EIF2AK4: variants seen among roughly 807,000 people sequenced by gnomAD.
The protein encoded by EIF2AK4 is eukaryotic translation initiation factor 2 alpha kinase 4.
In EIF2AK4, 139 loss-of-function variants were observed where a neutral mutation model predicts 211.1. That is an observed-to-expected ratio of 0.66 (90% CI 0.57 to 0.76). The LOEUF is 0.76. EIF2AK4 is among the 30% of genes least tolerant of loss of function. The pLI is 0.00. For synonymous variants in EIF2AK4, 710 were observed against 751.3 expected (o/e 0.94, Z 0.90); for missense variants, 1,664 against 2,043.8 (o/e 0.81, Z 3.58).
At chr15:40,003,164 G>A (rs199774603) in intron 22 of EIF2AK4, 29 bp from the exon 23 acceptor site, 1 of 1,611,810 alleles carries the variant, frequency 6.2e-7, no homozygotes. Flanking sequence ...TGAACCTGAT[G>A]ATGAGCTATT....
chr15:39,955,540 A>G, intron 5 of EIF2AK4, 80 bp from the exon 6 acceptor site: 1 of 1,419,790 alleles, frequency 7.0e-7, no homozygotes, highest in Non-Finnish European at 9.5e-7. Context: ...TGCATTCTAT[A>G]CTGAATTAAT....
At chr15:40,021,173 C>A in intron 31 of EIF2AK4, 146 bp downstream of exon 31, 1 of 904,280 alleles carries the variant, frequency 1.1e-6, no homozygotes, top group Non-Finnish European at 1.6e-6. Context: ...GCTGCAGTAA[C>A]CAATTACCAC....
intron 20 of EIF2AK4, among the ~76,000 whole-genome samples, chr15:40,000,633 GC>G (rs1566999987): frequency 6.6e-6 from 1 of 152,114 alleles, no homozygotes; most frequent in Non-Finnish European, 1.5e-5. Context: ...CTAAAATTAG[GC>G]ATGTAAAGCT....
intron 13 of EIF2AK4, among the ~76,000 whole-genome samples, chr15:39,982,778 T>C (rs2034810714): frequency 6.6e-6 from 1 of 151,618 alleles, no homozygotes; most frequent in South Asian, 2.1e-4. Flanking sequence ...CAACTCCCAC[T>C]TACAAGTGAA....
At chr15:39,972,250 T>A (rs1014114635) in intron 9 of EIF2AK4, among the ~76,000 whole-genome samples, 1 of 150,620 alleles carries the variant, frequency 6.6e-6, no homozygotes, top group African/African-American at 2.4e-5. Flanking sequence ...TCCCAGCTAC[T>A]GAGATGGGAG....
intron 7 of EIF2AK4, among the ~76,000 whole-genome samples, chr15:39,964,953 G>C (rs562833659): frequency 6.6e-5 from 10 of 151,996 alleles, no homozygotes; most frequent in East Asian, 1.9e-4. Context: ...CTGTTTTACT[G>C]TGCACACTAA....
intron 18 of EIF2AK4, among the ~76,000 whole-genome samples, chr15:39,995,745 G>T (rs1424374583): frequency 6.6e-6 from 1 of 151,088 alleles, no homozygotes; most frequent in East Asian, 1.9e-4. Context: ...GATGAAACTT[G>T]TCTATATTTA....
chr15:39,986,734 A>AG (rs2034871292), intron 14 of EIF2AK4, among the ~76,000 whole-genome samples: 1 of 152,214 alleles, frequency 6.6e-6, no homozygotes, highest in African/African-American at 2.4e-5. Context: ...GTGCTCCTGT[A>AG]ATCCCAGCTA....
chr15:40,034,167 C>A (rs562452816), intron 37 of EIF2AK4, among the ~76,000 whole-genome samples, 159 bp from the exon 38 acceptor site: 1 of 152,164 alleles, frequency 6.6e-6, no homozygotes, highest in South Asian at 2.1e-4. Context: ...TTCAGAGGAA[C>A]CCCAGCAGTC....
At chr15:39,999,062 T>TG (rs2035059470) in intron 20 of EIF2AK4, among the ~76,000 whole-genome samples, 1 of 150,822 alleles carries the variant, frequency 6.6e-6, no homozygotes, top group Non-Finnish European at 1.5e-5. Flanking sequence ...GCTTAGCTGT[T>TG]GAAAAAAAAA....
At chr15:39,982,660 A>C (rs2034808416) in intron 13 of EIF2AK4, among the ~76,000 whole-genome samples, 1 of 151,694 alleles carries the variant, frequency 6.6e-6, no homozygotes, top group Non-Finnish European at 1.5e-5. Context: ...CTTGTCATCT[A>C]CATTAGGTAT....
rs538137033 is a variant in EIF2AK4 at position 39,945,101 on chromosome 15, G to C, written c.360+1616G>C. ...AAGTTATTTGGAAAATTCAGCTCCA[G>C]AGAAACCTCTGGTTTCTTGGATTTT... On this transcript the variant is annotated intron_variant, in intron 3 of 38. Transcript: ENST00000263791. Among the ~76,000 whole-genome samples, 170 of 152,176 alleles carry C rather than the reference G, an allele frequency of 1.1e-3. 1 individual carries two copies. The highest frequency in any genetic ancestry group is 4.0e-3 in the African/African-American group (165 of 41,514).
chr15:39,972,875 T>C (rs1444304152), intron 9 of EIF2AK4, 33 bp from the exon 10 acceptor site: 1 of 1,561,400 alleles, frequency 6.4e-7, no homozygotes, highest in Admixed American at 1.7e-5. Flanking sequence ...TGATTGTTTG[T>C]GATGCTAAGA....
At chr15:40,016,394 A>T (rs1244031206) in intron 27 of EIF2AK4, 108 bp from the exon 28 acceptor site, 1 of 1,314,908 alleles carries the variant, frequency 7.6e-7, no homozygotes, top group Non-Finnish European at 1.1e-6. Flanking sequence ...CCACAAAGAT[A>T]ATCGTAGCAT....
chr15:39,974,242 G>A (rs1279563665), intron 11 of EIF2AK4: 3 of 152,288 alleles, frequency 2.0e-5, no homozygotes, highest in Non-Finnish European at 2.9e-5. Flanking sequence ...GTACACTGTT[G>A]TTGGGTCTTC....
chr15:40,017,821 A>T (rs558641432), intron 29 of EIF2AK4, among the ~76,000 whole-genome samples: 58 of 152,110 alleles, frequency 3.8e-4, no homozygotes, highest in Admixed American at 2.8e-3. Context: ...TGCTGGGATT[A>T]TAGGTGTGAG....
Position 40,034,446 on chromosome 15 carries a change from T to C in EIF2AK4, c.4892+2T>C. The C allele has an allele frequency of 6.2e-7, 1 of 1,610,166 alleles. No homozygotes were observed. Among genetic ancestry groups the C allele is most frequent in the Non-Finnish European group, 8.5e-7 (1 of 1,176,522 alleles). On this transcript the variant is annotated splice_donor_variant, in intron 38 of 38. Transcript: ENST00000263791. LOFTEE classifies it high-confidence loss of function. The stretch of plus-strand genomic sequence containing the variant: ...TTATAACATCAAAGTAGAAAAAAAG[T>C]AAGTTATCACTTGGGCATAGCAGGG...
At chr15:39,939,673 T>C (rs2034117361) in intron 2 of EIF2AK4, 56 bp downstream of exon 2, 3 of 1,386,548 alleles carry the variant, frequency 2.2e-6, no homozygotes, top group Non-Finnish European at 2.0e-6. Flanking sequence ...TTTGACAACA[T>C]AGAAACAGAT....
chr15:39,994,693 AG>A (rs1327901831), intron 18 of EIF2AK4, among the ~76,000 whole-genome samples: 3 of 152,212 alleles, frequency 2.0e-5, no homozygotes, highest in Non-Finnish European at 4.4e-5. Context: ...TGGAGATTCA[AG>A]CCTGGGTTTT....
Sources: allele counts gnomAD v4.1 joint callset (sites outside exome capture counted in the v4.1 genomes callset), GRCh38; gene constraint gnomAD v4.1.1; transcripts MANE v1.5; gene names NCBI Gene and HGNC (gene_info 2026-07-23, HGNC 2026-07-21).